LRBA: variants seen among roughly 807,000 people sequenced by gnomAD.
The protein encoded by LRBA is LPS responsive beige-like anchor protein.
In LRBA, 176 loss-of-function variants were observed where a neutral mutation model predicts 330.0. The ratio of observed to expected loss-of-function variants is 0.53; its 90% CI spans 0.47 to 0.60. LRBA has a LOEUF of 0.60. Among genes scored for constraint, LRBA ranks in the 20% least tolerant of loss-of-function variants. LRBA has a pLI of 0.00. For missense variants in LRBA, 3,259 were observed against 3,444.8 expected, an observed-to-expected ratio of 0.95 and a Z score of 1.35; for synonymous variants, 1,230 against 1,193.0, an observed-to-expected ratio of 1.03 and a Z score of -0.64.
chr4:150,741,894 C>A (rs150647870), intron 35 of LRBA, among the ~76,000 whole-genome samples: 1 of 151,922 alleles, frequency 6.6e-6, no homozygotes, highest in Non-Finnish European at 1.5e-5. Context: ...AGGACTCACA[C>A]GGAACACTGA....
At chr4:150,629,977 C>T (rs138095669) in intron 37 of LRBA, among the ~76,000 whole-genome samples, 1 of 152,004 alleles carries the variant, frequency 6.6e-6, no homozygotes, top group African/African-American at 2.4e-5. Context: ...TATCAAAAAA[C>T]AACAACAACA....
intron 28 of LRBA, among the ~76,000 whole-genome samples, chr4:150,842,293 T>C (rs1749205281): frequency 6.6e-6 from 1 of 151,848 alleles, no homozygotes; most frequent in Admixed American, 6.5e-5. Context: ...TCTATTCTAG[T>C]TTATTTGTTT....
rs143136714 is a variant in LRBA at position 150,547,942 on chromosome 4, C to T, written c.6330+40106G>A. On this transcript the variant is annotated intron_variant, in intron 40 of 56. Coordinates refer to ENST00000651943, the MANE Select transcript of LRBA (RefSeq NM_001364905.1). The stretch of plus-strand genomic sequence containing the variant: ...TCGCTTTATAAATGACTTTTACTTG[C>T]TGTTTCTTCAACTCAGAATTACAAT... 6.1e-3 allele frequency among the ~76,000 whole-genome samples: 930 copies of T among 152,130 alleles called. 9 individuals carry two copies. The highest frequency in any genetic ancestry group is 0.017 in the African/African-American group (719 of 41,530).
chr4:150,424,353 G>A (rs765125345), intron 46 of LRBA, among the ~76,000 whole-genome samples: 34 of 152,002 alleles, frequency 2.2e-4, no homozygotes, highest in African/African-American at 4.8e-4. Context: ...AAGTTCCCAC[G>A]GCATATTTTG....
chr4:150,312,010 T>C (rs974602130), intron 51 of LRBA, among the ~76,000 whole-genome samples: 3 of 152,148 alleles, frequency 2.0e-5, no homozygotes, highest in African/African-American at 7.2e-5. Flanking sequence ...GCTGTAAACA[T>C]GTTTATTCTT....
At chr4:150,365,791 CAAAAAAA>C (rs58972028) in intron 47 of LRBA, among the ~76,000 whole-genome samples, 2 of 91,690 alleles carry the variant, frequency 2.2e-5, no homozygotes, top group African/African-American at 4.2e-5. Flanking sequence ...AACTCTGTCT[CAAAAAAA>C]AAAAAAAAAA....
chr4:150,687,947 AACTAC>A (rs1783772229), intron 36 of LRBA, among the ~76,000 whole-genome samples: 1 of 152,160 alleles, frequency 6.6e-6, no homozygotes. Flanking sequence ...AATTAGAAAA[AACTAC>A]TTTAAATTTC....
At chr4:150,737,219 A>AAACC (rs1050853922) in intron 35 of LRBA, among the ~76,000 whole-genome samples, 1 of 152,124 alleles carries the variant, frequency 6.6e-6, no homozygotes, top group Non-Finnish European at 1.5e-5. Context: ...TCCTCTCTCA[A>AAACC]AACCAACCAA....
intron 37 of LRBA, among the ~76,000 whole-genome samples, chr4:150,602,242 T>C (rs1037307948): frequency 6.6e-6 from 1 of 152,170 alleles, no homozygotes; most frequent in African/African-American, 2.4e-5. Flanking sequence ...ATATATTTTT[T>C]GAGAGTCTCT....
At chr4:150,551,097 T>C (rs753141866) in intron 40 of LRBA, among the ~76,000 whole-genome samples, 2 of 151,986 alleles carry the variant, frequency 1.3e-5, no homozygotes, top group Non-Finnish European at 2.9e-5. Context: ...CAAGAGTGAG[T>C]TCCTCATAAA....
chr4:150,702,954 G>A (rs1325500502), intron 36 of LRBA, among the ~76,000 whole-genome samples: 1 of 152,190 alleles, frequency 6.6e-6, no homozygotes, highest in East Asian at 1.9e-4. Context: ...GAGATCACAA[G>A]TTCGAGACCA....
At chr4:150,609,055 G>A (rs897250811) in intron 37 of LRBA, among the ~76,000 whole-genome samples, 3 of 152,156 alleles carry the variant, frequency 2.0e-5, no homozygotes, top group African/African-American at 7.2e-5. Flanking sequence ...TGGGTTTTAC[G>A]ATGAGAAAAC....
chr4:150,821,904 C>T (rs900891389), intron 30 of LRBA, among the ~76,000 whole-genome samples: 1 of 152,136 alleles, frequency 6.6e-6, no homozygotes, highest in Non-Finnish European at 1.5e-5. Context: ...ATTCATGTAG[C>T]TGTTACTCTA....
At chr4:150,697,344 A>AAAAAAAAAAAAAAAAAAAC in intron 36 of LRBA, among the ~76,000 whole-genome samples, 2 of 148,738 alleles carry the variant, frequency 1.3e-5, no homozygotes, top group African/African-American at 5.0e-5. Flanking sequence ...AAAAAAAAAA[A>AAAAAAAAAAAAAAAAAAAC]AAAAAAACAG....
chr4:150,517,862 C>T lies in LRBA; in HGVS notation c.6331-26827G>A, dbSNP rs181240797. On this transcript the variant is annotated intron_variant, in intron 40 of 56. Transcript: ENST00000651943. The stretch of plus-strand genomic sequence containing the variant: ...CAAACTCAATTGTCATCAGTTGGAA[C>T]ATGGTTTTCTTCAGACTTTCCGCCC... Among the ~76,000 whole-genome samples, 9 of 152,308 alleles carry T rather than the reference C, an allele frequency of 5.9e-5. No individual in the cohort carries two copies. The East Asian group carries it at 1.7e-3, about 29-fold the overall frequency.
chr4:150,479,386 G>C (rs866064524), intron 42 of LRBA, among the ~76,000 whole-genome samples: 2 of 152,260 alleles, frequency 1.3e-5, no homozygotes, highest in Middle Eastern at 3.4e-3. Context: ...AAAATAAAGA[G>C]ATAATTTGTA....
At chr4:150,719,973 G>GAA (rs200951153) in intron 36 of LRBA, among the ~76,000 whole-genome samples, 2 of 151,948 alleles carry the variant, frequency 1.3e-5, no homozygotes, top group African/African-American at 4.8e-5. Context: ...CAAAATCTTA[G>GAA]AAAAAAATGA....
intron 40 of LRBA, among the ~76,000 whole-genome samples, chr4:150,526,682 T>G (rs946643936): frequency 1.3e-5 from 2 of 152,168 alleles, no homozygotes; most frequent in Non-Finnish European, 1.5e-5. Flanking sequence ...TTGTATCATC[T>G]ATTTCCCTTG....
chr4:150,817,060 T>C lies in LRBA; in HGVS notation c.5305+64A>G, dbSNP rs1006298007. ...CCCCAAATTTTAAGTTAATCAAAAA[T>C]CTTAAGCGTTGCTAAAATGAGATCT... On this transcript the variant is annotated intron_variant, in intron 31 of 56. Transcript: ENST00000651943. 6.0e-6 allele frequency: 9 copies of C among 1,493,378 alleles called. No homozygotes were observed. In the East Asian group the frequency reaches 2.0e-4, roughly 34 times the overall value. 92.5% of individuals were successfully genotyped at this position (1,493,378 alleles called of 1,614,324 possible).
Sources: gnomAD v4.1 joint callset for allele counts (sites outside exome capture counted in the v4.1 genomes callset) on GRCh38, gnomAD v4.1.1 for gene constraint, MANE v1.5 for transcripts, NCBI Gene and HGNC (gene_info 2026-07-23, HGNC 2026-07-21) for gene names.